Variants in DLG2 observed in about 807,000 individuals in gnomAD.
DLG2 encodes discs large MAGUK scaffold protein 2.
In DLG2, 45 loss-of-function variants were observed where a neutral mutation model predicts 132.5. The ratio of observed to expected loss-of-function variants is 0.34; its 90% CI spans 0.27 to 0.44. The LOEUF is 0.44. DLG2 is among the 20% of genes least tolerant of loss of function. The probability of loss-of-function intolerance (pLI) is 1.00; values close to 1 mark genes in which losing one functional copy is unlikely to be tolerated. For synonymous variants in DLG2, 424 were observed against 419.6 expected, an observed-to-expected ratio of 1.01 and a Z score of -0.13; for missense variants, 1,045 against 1,196.9, an observed-to-expected ratio of 0.87 and a Z score of 1.87.
intron 3 of DLG2, among the ~76,000 whole-genome samples, chr11:85,573,791 T>C (rs1323035521): frequency 2.0e-5 from 3 of 152,198 alleles, no homozygotes; most frequent in African/African-American, 7.2e-5. Context: ...CTCTGTCACA[T>C]TAGCAATGAT....
At chr11:84,136,814 A>T (rs1467942674) in intron 9 of DLG2, among the ~76,000 whole-genome samples, 1 of 152,126 alleles carries the variant, frequency 6.6e-6, no homozygotes, top group Non-Finnish European at 1.5e-5. Context: ...ATGCTCAATA[A>T]AACAGGAGAT....
At chr11:83,487,123 C>A (rs527238055) in intron 21 of DLG2, among the ~76,000 whole-genome samples, 1 of 152,150 alleles carries the variant, frequency 6.6e-6, no homozygotes, top group Admixed American at 6.6e-5. Flanking sequence ...CTCAATTATA[C>A]TTGATCAATG....
In DLG2 at chr11:84,212,877, C is replaced by T. The variant is rs143093678; in HGVS notation, c.573+38361G>A. On this transcript the variant is annotated intron_variant, in intron 8 of 27. Transcript: ENST00000376104. Reference sequence around the variant, plus strand: ...GTTTCACCTTGTTAGCCAGGATGGTCTTGATCACCTGACTTCGTGATCCGC... The same window carrying T: ...GTTTCACCTTGTTAGCCAGGATGGTTTTGATCACCTGACTTCGTGATCCGC... 9.2e-3 allele frequency among the ~76,000 whole-genome samples: 1,406 copies of T among 152,316 alleles called. 23 individuals carry two copies. The highest frequency in any genetic ancestry group is 0.032 in the African/African-American group (1,347 of 41,574).
intron 4 of DLG2, among the ~76,000 whole-genome samples, chr11:85,183,170 T>A (rs1260106408): frequency 1.3e-5 from 2 of 151,850 alleles, no homozygotes; most frequent in Non-Finnish European, 1.5e-5. Flanking sequence ...CTGTCTGAAG[T>A]ACGTGATCCA....
At chr11:84,416,950 T>C (rs750951449) in intron 7 of DLG2, among the ~76,000 whole-genome samples, 1 of 152,234 alleles carries the variant, frequency 6.6e-6, no homozygotes, top group Non-Finnish European at 1.5e-5. Flanking sequence ...TGCAATTAGT[T>C]TATAATTATT....
chr11:83,801,963 G>A (rs1047571408), intron 17 of DLG2, among the ~76,000 whole-genome samples: 1 of 152,128 alleles, frequency 6.6e-6, no homozygotes, highest in African/African-American at 2.4e-5. Context: ...TTATAAGCCA[G>A]GTACTAATTA....
intron 9 of DLG2, among the ~76,000 whole-genome samples, chr11:84,111,583 G>A (rs984977867): frequency 6.6e-6 from 1 of 152,196 alleles, no homozygotes; most frequent in Non-Finnish European, 1.5e-5. Context: ...GAGCTAATAA[G>A]GAAGGGTCAG....
intron 6 of DLG2, among the ~76,000 whole-genome samples, chr11:84,606,803 T>C (rs139185955): frequency 7.7e-4 from 117 of 152,182 alleles, no homozygotes; most frequent in Middle Eastern, 3.4e-3. Context: ...ATAGGAGACA[T>C]TGATGCGTTA....
At chr11:83,732,850 G>A (rs747778083) in intron 18 of DLG2, among the ~76,000 whole-genome samples, 2 of 152,154 alleles carry the variant, frequency 1.3e-5, no homozygotes, top group African/African-American at 2.4e-5. Context: ...AAACACTTTC[G>A]CTGAGGTAGA....
intron 6 of DLG2, among the ~76,000 whole-genome samples, chr11:85,004,766 T>C (rs2058506877): frequency 6.6e-6 from 1 of 152,196 alleles, no homozygotes; most frequent in South Asian, 2.1e-4. Flanking sequence ...TTTATTGCCA[T>C]TGCTTGTGGT....
At chr11:83,794,002 C>T (rs1037010746) in intron 17 of DLG2, among the ~76,000 whole-genome samples, 1 of 152,144 alleles carries the variant, frequency 6.6e-6, no homozygotes, top group African/African-American at 2.4e-5. Flanking sequence ...GGCCCAAAGT[C>T]ATACTGAAGT....
intron 3 of DLG2, among the ~76,000 whole-genome samples, chr11:85,556,500 G>A (rs574436512): frequency 6.6e-6 from 1 of 151,826 alleles, no homozygotes; most frequent in Admixed American, 6.6e-5. Context: ...TATTTTGCAT[G>A]TATTCTTCTA....
intron 18 of DLG2, among the ~76,000 whole-genome samples, chr11:83,696,112 A>G (rs1276869357): frequency 6.6e-6 from 1 of 152,172 alleles, no homozygotes; most frequent in Non-Finnish European, 1.5e-5. Flanking sequence ...CAGGTGGAGG[A>G]TGGACTGGAG....
At chr11:85,222,214 T>C (rs1279160205) in intron 4 of DLG2, among the ~76,000 whole-genome samples, 1 of 152,208 alleles carries the variant, frequency 6.6e-6, no homozygotes, top group African/African-American at 2.4e-5. Flanking sequence ...GATCCGCCTG[T>C]CTTGGCCTCC....
chr11:85,501,976 T>TA (rs2093814910), intron 3 of DLG2, among the ~76,000 whole-genome samples: 1 of 152,180 alleles, frequency 6.6e-6, no homozygotes, highest in South Asian at 2.1e-4. Context: ...CACGTATGTT[T>TA]ATTGTGGCAT....
chr11:83,634,251 A>G (rs967725165), intron 18 of DLG2, among the ~76,000 whole-genome samples: 1 of 152,156 alleles, frequency 6.6e-6, no homozygotes. Context: ...AGAAATCTGT[A>G]TATTATAACA....
At chr11:84,940,645 G>A (rs1242575088) in intron 6 of DLG2, among the ~76,000 whole-genome samples, 1 of 152,080 alleles carries the variant, frequency 6.6e-6, no homozygotes, top group Admixed American at 6.6e-5. Context: ...TGTCAAATGG[G>A]TAGTTTGCAA....
rs1591185437 is a variant in DLG2, at chr11:85,600,499, C to G, written c.-92-1711G>C. Among the ~76,000 whole-genome samples the G allele has an allele frequency of 7.2e-5, 11 of 152,194 alleles. No homozygotes were observed. The South Asian group carries it at 2.3e-3, about 31-fold the overall frequency. ...TGAGTTTGTTATAATTTTACTGACA[C>G]AAGGATGTATAGCAACCAGTCTACA... On this transcript the variant is annotated intron_variant, in intron 2 of 27. Coordinates refer to ENST00000376104, the MANE Select transcript of DLG2 (RefSeq NM_001142699.3).
intron 11 of DLG2, among the ~76,000 whole-genome samples, chr11:84,048,705 T>G (rs2096289611): frequency 6.6e-6 from 1 of 151,692 alleles, no homozygotes; most frequent in Admixed American, 6.6e-5. Flanking sequence ...ACAAACTTTG[T>G]TTTTAGTTTC....
Sources: allele counts gnomAD v4.1 joint callset (sites outside exome capture counted in the v4.1 genomes callset), GRCh38; gene constraint gnomAD v4.1.1; transcripts MANE v1.5; gene names NCBI Gene and HGNC (gene_info 2026-07-23, HGNC 2026-07-21).